Variants in RGS7 observed in about 807,000 individuals in gnomAD.
RGS7 encodes the protein regulator of G protein signaling 7.
In RGS7, 27 loss-of-function variants were observed where a neutral mutation model predicts 81.1. That is an observed-to-expected ratio of 0.33 (90% CI 0.25 to 0.46). The LOEUF (loss-of-function observed/expected upper bound fraction) is 0.46, where lower values mean the gene tolerates loss of function less well. Among genes scored for constraint, RGS7 ranks in the 20% least tolerant of loss-of-function variants. The pLI, the probability that RGS7 is intolerant of heterozygous loss-of-function variation, is 1.00. For missense variants in RGS7, 396 were observed against 607.4 expected (o/e 0.65, Z 3.66); for synonymous variants, 208 against 207.7 (o/e 1.00, Z -0.01).
chr1:240,790,170 T>G (rs1685742785), intron 18 of RGS7, among the ~76,000 whole-genome samples: 1 of 151,924 alleles, frequency 6.6e-6, no homozygotes, highest in Admixed American at 6.6e-5. Flanking sequence ...AGGTGGAAGT[T>G]GCAGGGAGCC....
At chr1:241,073,741 G>A (rs983177662) in intron 3 of RGS7, among the ~76,000 whole-genome samples, 5 of 152,112 alleles carry the variant, frequency 3.3e-5, no homozygotes, top group African/African-American at 1.2e-4. Flanking sequence ...CAGTTAATAA[G>A]TTAACAGACA....
chr1:240,795,138 CA>C (rs1686804172), intron 18 of RGS7, among the ~76,000 whole-genome samples: 1 of 151,194 alleles, frequency 6.6e-6, no homozygotes, highest in Non-Finnish European at 1.5e-5. Flanking sequence ...GAGCCGAGAT[CA>C]CACCATTGCC....
intron 6 of RGS7, among the ~76,000 whole-genome samples, chr1:240,909,503 G>A (rs1305690713): frequency 6.6e-6 from 1 of 152,060 alleles, no homozygotes. Context: ...ACACAGCCAT[G>A]GAATCTTTTA....
chr1:241,348,540 T>A (rs1216553656), intron 2 of RGS7, among the ~76,000 whole-genome samples: 1 of 152,172 alleles, frequency 6.6e-6, no homozygotes, highest in Non-Finnish European at 1.5e-5. Flanking sequence ...GAAAGACAAA[T>A]AAATAAAGAC....
intron 18 of RGS7, among the ~76,000 whole-genome samples, chr1:240,784,058 G>T (rs925631535): frequency 6.6e-6 from 1 of 150,550 alleles, no homozygotes; most frequent in African/African-American, 2.5e-5. Flanking sequence ...ATCGTGGCAG[G>T]TGCCTGTAAT....
intron 4 of RGS7, among the ~76,000 whole-genome samples, chr1:240,951,132 C>G (rs185631905): frequency 2.0e-5 from 3 of 152,250 alleles, no homozygotes; most frequent in East Asian, 1.9e-4. Flanking sequence ...ATTGCCCAGT[C>G]TGGTCTTGAA....
intron 2 of RGS7, among the ~76,000 whole-genome samples, chr1:241,255,872 A>G (rs1402599567): frequency 6.6e-6 from 1 of 152,240 alleles, no homozygotes; most frequent in Non-Finnish European, 1.5e-5. Context: ...TAATTCCCTT[A>G]GCAAGAGAAA....
intron 3 of RGS7, among the ~76,000 whole-genome samples, chr1:241,056,294 C>T (rs1459377773): frequency 6.6e-6 from 1 of 152,196 alleles, no homozygotes; most frequent in African/African-American, 2.4e-5. Flanking sequence ...TCCTGCTAGG[C>T]ATCTTATCTC....
chr1:241,324,253 T>C (rs547292600), intron 2 of RGS7, among the ~76,000 whole-genome samples: 156 of 152,166 alleles, frequency 1.0e-3, no homozygotes, highest in African/African-American at 3.7e-3. Context: ...AAGAAATAGG[T>C]AGACTATTAT....
At chr1:241,250,429 C>T (rs1316724994) in intron 2 of RGS7, among the ~76,000 whole-genome samples, 1 of 151,726 alleles carries the variant, frequency 6.6e-6, no homozygotes, top group Non-Finnish European at 1.5e-5. Flanking sequence ...TGAATAAATA[C>T]TAGGAGTCGC....
chr1:241,022,289 G>C (rs647186), intron 3 of RGS7, among the ~76,000 whole-genome samples: 68,171 of 151,924 alleles, frequency 0.45, 15,703 homozygotes, highest in Middle Eastern at 0.56. Flanking sequence ...TTCATTCCTG[G>C]GTGTAGAGTG....
intron 9 of RGS7, among the ~76,000 whole-genome samples, chr1:240,831,785 G>A (rs1408058884): frequency 6.6e-6 from 1 of 152,042 alleles, no homozygotes; most frequent in Non-Finnish European, 1.5e-5. Context: ...ACAGGCGGGT[G>A]CCACCACACC....
chr1:241,013,355 A>T (rs1441869266), intron 3 of RGS7, among the ~76,000 whole-genome samples: 1 of 151,982 alleles, frequency 6.6e-6, no homozygotes, highest in Non-Finnish European at 1.5e-5. Context: ...GAGCCACCGC[A>T]CCTGGCCCTG....
At chr1:240,842,629 T>TG (rs34222119) in intron 9 of RGS7, among the ~76,000 whole-genome samples, 17 of 151,760 alleles carry the variant, frequency 1.1e-4, no homozygotes, top group Middle Eastern at 3.4e-3. Flanking sequence ...GTAAGCATTT[T>TG]GGGGGGGGAA....
Position 241,068,250 on chromosome 1 carries a change from AT to A in RGS7, c.175+30415del, listed in dbSNP as rs1343365273. Among the ~76,000 whole-genome samples the A allele has an allele frequency of 5.2e-4, 9 of 17,374 alleles. 1 individual carries two copies. The highest frequency in any genetic ancestry group is 3.3e-3 in the South Asian group (1 of 304). The allele number at this position is 17,374 out of a possible 152,430, so 11.4% of individuals were successfully genotyped here. A position where few individuals can be genotyped will look rare whatever the true frequency, so the allele number is the denominator to read the frequency against. ...TGTGTGTGTGTGTGTATATATATAT[AT>A]ATATATAAAATATTGTGTATATATA... On this transcript the variant is annotated intron_variant, in intron 3 of 18. Transcript: ENST00000440928.
intron 2 of RGS7, among the ~76,000 whole-genome samples, chr1:241,260,455 A>T (rs1238357303): frequency 6.6e-6 from 1 of 152,186 alleles, no homozygotes; most frequent in Non-Finnish European, 1.5e-5. Context: ...TCAAACTGGC[A>T]CACCTGCTTT....
chr1:241,092,502 TTATGGATTTCATTTACAGAAAA>T (rs1485897210), intron 3 of RGS7, among the ~76,000 whole-genome samples: 1 of 152,202 alleles, frequency 6.6e-6, no homozygotes, highest in African/African-American at 2.4e-5. Context: ...AGAATAAGAC[TTATGGATTTCATTTACAGAAAA>T]TCTTCAGCAA....
At chr1:241,356,318 A>G (rs1037850872) in intron 1 of RGS7, among the ~76,000 whole-genome samples, 1 of 152,078 alleles carries the variant, frequency 6.6e-6, no homozygotes, top group Non-Finnish European at 1.5e-5. Flanking sequence ...TCCCGGTGTC[A>G]TTCTCCAGCG....
At chr1:241,309,289 G>A (rs1295973278) in intron 2 of RGS7, among the ~76,000 whole-genome samples, 3 of 148,630 alleles carry the variant, frequency 2.0e-5, no homozygotes, top group Non-Finnish European at 4.4e-5. Context: ...GGGAGGCTGA[G>A]GCATGAGAAT....
Sources: allele counts gnomAD v4.1 joint callset (sites outside exome capture counted in the v4.1 genomes callset), GRCh38; gene constraint gnomAD v4.1.1; transcripts MANE v1.5; gene names NCBI Gene and HGNC (gene_info 2026-07-23, HGNC 2026-07-21).